The following KCNMB2 variants were observed in gnomAD, a reference collection of about 807,000 sequenced individuals.
The protein encoded by KCNMB2 is potassium calcium-activated channel subfamily M regulatory beta subunit 2.
A neutral mutation model predicts 24.5 loss-of-function variants in KCNMB2; 9 were observed. The observed-to-expected ratio is 0.37, with a 90% CI of 0.22 to 0.64. The LOEUF (loss-of-function observed/expected upper bound fraction) is 0.64, where lower values mean the gene tolerates loss of function less well. Among genes scored for constraint, KCNMB2 ranks in the 30% least tolerant of loss-of-function variants. KCNMB2 has a pLI of 0.63. For synonymous variants in KCNMB2, 109 were observed against 104.4 expected (o/e 1.04, Z -0.27); for missense variants, 226 against 284.3 (o/e 0.79, Z 1.47).
At position 178,843,708 on chromosome 3, in the gene KCNMB2, C is replaced by T. The variant is rs1323461103; in HGVS notation, c.*771C>T. ...ATGTTGGTAGGTGCTCCATTACAATCCAGGAAAGTCTGTGTTACTGATATT... is the reference window on the plus strand; with the variant it reads ...ATGTTGGTAGGTGCTCCATTACAATTCAGGAAAGTCTGTGTTACTGATATT... On this transcript the variant is annotated 3_prime_UTR_variant, in exon 5 of 5. Coordinates refer to ENST00000452583, the MANE Select transcript of KCNMB2 (RefSeq NM_181361.3). 1 of 152,190 alleles carries T rather than the reference C, an allele frequency of 6.6e-6. No individual in the cohort carries two copies. The highest frequency in any genetic ancestry group is 1.5e-5 in the Non-Finnish European group (1 of 68,112). The allele number at this position is 152,190 out of a possible 1,614,324, so 9.4% of individuals were successfully genotyped here. A position where few individuals can be genotyped will look rare whatever the true frequency, so the allele number is the denominator to read the frequency against.
intron 1 of KCNMB2, among the ~76,000 whole-genome samples, chr3:178,731,686 C>A (rs938295746): frequency 6.6e-6 from 1 of 152,080 alleles, no homozygotes; most frequent in Non-Finnish European, 1.5e-5. Context: ...GGTGGATCTC[C>A]TGAGGTCTGG....
At chr3:178,800,761 AT>A (rs1394477720) in intron 1 of KCNMB2, among the ~76,000 whole-genome samples, 1 of 152,210 alleles carries the variant, frequency 6.6e-6, no homozygotes, top group East Asian at 1.9e-4. Flanking sequence ...AATAGCCAAG[AT>A]TTGGAAGCAA....
chr3:178,769,412 G>C (rs1190873480), intron 1 of KCNMB2, among the ~76,000 whole-genome samples: 1 of 152,168 alleles, frequency 6.6e-6, no homozygotes, highest in Admixed American at 6.5e-5. Context: ...TAAGAGGGGG[G>C]TGTGATCCAG....
At chr3:178,635,868 G>A (rs1014798847) in intron 1 of KCNMB2, among the ~76,000 whole-genome samples, 1 of 152,110 alleles carries the variant, frequency 6.6e-6, no homozygotes, top group East Asian at 1.9e-4. Flanking sequence ...TTCAGTTCTT[G>A]TTCATTACCT....
At chr3:178,637,066 G>T (rs985892565) in intron 1 of KCNMB2, among the ~76,000 whole-genome samples, 12 of 151,998 alleles carry the variant, frequency 7.9e-5, no homozygotes, top group African/African-American at 2.9e-4. Context: ...AGTATTCCAT[G>T]GTGTATACGT....
At chr3:178,554,774 C>T (rs1258613526) in intron 1 of KCNMB2, among the ~76,000 whole-genome samples, 2 of 152,150 alleles carry the variant, frequency 1.3e-5, no homozygotes, top group Non-Finnish European at 2.9e-5. Flanking sequence ...AAGACATGTT[C>T]CCTTACTCTC....
intron 1 of KCNMB2, among the ~76,000 whole-genome samples, chr3:178,632,506 G>C (rs1560140032): frequency 6.6e-6 from 1 of 152,120 alleles, no homozygotes; most frequent in African/African-American, 2.4e-5. Context: ...AGAAAAAGGG[G>C]AAATGCCACT....
chr3:178,664,518 T>C (rs1167278879), intron 1 of KCNMB2, among the ~76,000 whole-genome samples: 2 of 152,066 alleles, frequency 1.3e-5, no homozygotes, highest in South Asian at 2.1e-4. Flanking sequence ...AATATACTTG[T>C]GATGGTGTAA....
At chr3:178,652,130 A>G (rs1291401210) in intron 1 of KCNMB2, among the ~76,000 whole-genome samples, 1 of 152,194 alleles carries the variant, frequency 6.6e-6, no homozygotes, top group Non-Finnish European at 1.5e-5. Flanking sequence ...CAGAGTGAAC[A>G]GGTAACCTGC....
At chr3:178,780,453 T>C (rs770282951) in intron 1 of KCNMB2, among the ~76,000 whole-genome samples, 1 of 152,216 alleles carries the variant, frequency 6.6e-6, no homozygotes, top group South Asian at 2.1e-4. Context: ...TCCTCATGAA[T>C]ATGATGACAG....
Position 178,645,181 on chromosome 3 carries a change from G to A in KCNMB2, c.-68+108470G>A, listed in dbSNP as rs1028421655. Among the ~76,000 whole-genome samples, 74 of 151,252 alleles carry A rather than the reference G, an allele frequency of 4.9e-4. 1 individual carries two copies. Among genetic ancestry groups the A allele is most frequent in the African/African-American group, 1.8e-3 (73 of 41,044 alleles). ...TTCTCCTGCCTCAGCCTCCTGAGTA[G>A]CTGGGATTACAGGCATGCATCACTA... On this transcript the variant is annotated intron_variant, in intron 1 of 4. Transcript: ENST00000452583.
intron 1 of KCNMB2, among the ~76,000 whole-genome samples, chr3:178,743,109 T>C (rs1240953744): frequency 6.6e-6 from 1 of 152,142 alleles, no homozygotes; most frequent in African/African-American, 2.4e-5. Flanking sequence ...GTGGCCTCCA[T>C]AGCAGTGTAG....
At chr3:178,584,342 A>G (rs897957943) in intron 1 of KCNMB2, among the ~76,000 whole-genome samples, 11 of 152,252 alleles carry the variant, frequency 7.2e-5, no homozygotes, top group African/African-American at 2.7e-4. Context: ...AGTGGGAGAC[A>G]GTGCTGGGTA....
chr3:178,764,917 C>A (rs1035063016), intron 1 of KCNMB2, among the ~76,000 whole-genome samples: 2 of 152,096 alleles, frequency 1.3e-5, no homozygotes, highest in African/African-American at 4.8e-5. Context: ...GATAAATGAA[C>A]TAATACAAGT....
intron 1 of KCNMB2, among the ~76,000 whole-genome samples, chr3:178,647,995 T>A (rs1363701111): frequency 6.6e-6 from 1 of 152,044 alleles, no homozygotes; most frequent in Non-Finnish European, 1.5e-5. Flanking sequence ...ATATTGTCTT[T>A]TCTTTTTTCT....
At chr3:178,572,481 A>T (rs1420472866) in intron 1 of KCNMB2, among the ~76,000 whole-genome samples, 1 of 152,240 alleles carries the variant, frequency 6.6e-6, no homozygotes, top group African/African-American at 2.4e-5. Context: ...CTTAGTATAT[A>T]AAAATATAGT....
intron 1 of KCNMB2, among the ~76,000 whole-genome samples, chr3:178,675,951 T>A (rs1721057274): frequency 6.6e-6 from 1 of 152,216 alleles, no homozygotes; most frequent in East Asian, 1.9e-4. Context: ...TATCTCATAA[T>A]TGTTCAAAAT....
intron 1 of KCNMB2, among the ~76,000 whole-genome samples, chr3:178,597,361 G>A (rs183054711): frequency 6.6e-5 from 10 of 152,092 alleles, no homozygotes; most frequent in Non-Finnish European, 4.4e-5. Flanking sequence ...AGTTTATTTC[G>A]GATATCATCA....
intron 1 of KCNMB2, among the ~76,000 whole-genome samples, chr3:178,649,702 G>C (rs1211292076): frequency 6.6e-6 from 1 of 151,922 alleles, no homozygotes; most frequent in African/African-American, 2.4e-5. Flanking sequence ...ATTTCTGTGG[G>C]ATCAGTGATG....
Sources: gnomAD v4.1 joint callset for allele counts (sites outside exome capture counted in the v4.1 genomes callset) on GRCh38, gnomAD v4.1.1 for gene constraint, MANE v1.5 for transcripts, NCBI Gene and HGNC (gene_info 2026-07-23, HGNC 2026-07-21) for gene names.